DCT: variants seen among roughly 807,000 people sequenced by gnomAD.
The protein encoded by DCT is L-dopachrome tautomerase.
DCT carries 47 observed loss-of-function variants against 53.0 expected under a neutral mutation model. The ratio of observed to expected loss-of-function variants is 0.89; its 90% CI spans 0.70 to 1.13. The LOEUF is 1.13. DCT is among the 50% of genes most tolerant of loss of function. The pLI, the probability that DCT is intolerant of heterozygous loss-of-function variation, is 0.00. For synonymous variants in DCT, 244 were observed against 237.0 expected (o/e 1.03, Z -0.27); for missense variants, 669 against 637.4 (o/e 1.05, Z -0.53).
intron 4 of DCT, among the ~76,000 whole-genome samples, chr13:94,462,545 C>T (rs1719221929): frequency 6.6e-6 from 1 of 151,642 alleles, no homozygotes; most frequent in African/African-American, 2.4e-5. Flanking sequence ...TATGTCTTAA[C>T]TTATGTACAG....
Position 94,436,836 on chromosome 13 carries a change from AC to A in DCT, c.*3061del, listed in dbSNP as rs541908946. 4 of 152,340 alleles carry A rather than the reference AC, an allele frequency of 2.6e-5. No individual in the cohort carries two copies. The highest frequency in any genetic ancestry group is 2.6e-4 in the Admixed American group (4 of 15,288). The allele number at this position is 152,340 out of a possible 1,614,324, so 9.4% of individuals were successfully genotyped here. A position where few individuals can be genotyped will look rare whatever the true frequency, so the allele number is the denominator to read the frequency against. ...TACTTTGAAATTAGTTTATTCATTCACTTATTCATTCAAAGAATATTTATAA... is the reference window on the plus strand; with the variant it reads ...TACTTTGAAATTAGTTTATTCATTCATTATTCATTCAAAGAATATTTATAA... On this transcript the variant is annotated 3_prime_UTR_variant, in exon 8 of 8. Coordinates refer to ENST00000377028, the MANE Select transcript of DCT (RefSeq NM_001922.5).
chr13:94,510,929 C>G, the DCT span, among the ~76,000 whole-genome samples: 1 of 152,208 alleles, frequency 6.6e-6, no homozygotes, highest in African/African-American at 2.4e-5. Context: ...CCATGTGAAC[C>G]ACCTCCTGCA....
At chr13:94,475,959 T>C (rs1459679870) in intron 1 of DCT, among the ~76,000 whole-genome samples, 1 of 151,942 alleles carries the variant, frequency 6.6e-6, no homozygotes, top group African/African-American at 2.4e-5. Flanking sequence ...CCTGATGAGT[T>C]TGGACTGAGC....
At position 94,469,041 on chromosome 13, in the gene DCT, G is replaced by C; in HGVS notation, c.300C>G (p.Asn100Lys). ...AGTCTCCACAATTATAGCCGGCAAA[G>C]TTTCCTAGTTCACAAAACAGAAAGA... ...FFHRTCKCTG[N>K]FAGYNCGDCK... The change falls in exon 2 of 8, where the codon AAC (asparagine) becomes AAG (lysine). Residue 100 changes from asparagine to lysine, a missense_variant. Physicochemically the swap from Asn to Lys is moderately conservative, Grantham distance 94 (BLOSUM62 0). Coordinates refer to ENST00000377028, the MANE Select transcript of DCT (RefSeq NM_001922.5). 1 of 1,611,038 alleles carries C rather than the reference G, an allele frequency of 6.2e-7. No individual in the cohort carries two copies. Among genetic ancestry groups the C allele is most frequent in the Non-Finnish European group, 8.5e-7 (1 of 1,177,302 alleles).
At chr13:94,469,284 A>G (rs1391804021) in intron 1 of DCT, among the ~76,000 whole-genome samples, 1 of 152,208 alleles carries the variant, frequency 6.6e-6, no homozygotes, top group Non-Finnish European at 1.5e-5. Flanking sequence ...AATACACTGT[A>G]TACTGCAATG....
intron 1 of DCT, among the ~76,000 whole-genome samples, chr13:94,472,092 G>T (rs1884679818): frequency 1.3e-5 from 2 of 152,078 alleles, no homozygotes. Flanking sequence ...CATAACACTT[G>T]TTTTTGAATT....
the DCT span, among the ~76,000 whole-genome samples, chr13:94,485,280 C>T: frequency 6.6e-6 from 1 of 152,116 alleles, no homozygotes; most frequent in Non-Finnish European, 1.5e-5. Context: ...GCCCTTGAGA[C>T]TTTAGCACAG....
chr13:94,520,567 T>C, the DCT span, among the ~76,000 whole-genome samples: 2 of 152,198 alleles, frequency 1.3e-5, no homozygotes, highest in Admixed American at 6.5e-5. Context: ...TCACAAAACA[T>C]GTGAGCCCCA....
chr13:94,544,519 C>T, the DCT span, among the ~76,000 whole-genome samples: 1 of 152,206 alleles, frequency 6.6e-6, no homozygotes, highest in Non-Finnish European at 1.5e-5. Context: ...AAGAGCTGTT[C>T]CCTTGCTCAG....
chr13:94,443,000 C>A (rs550612057), intron 7 of DCT, among the ~76,000 whole-genome samples: 1 of 152,280 alleles, frequency 6.6e-6, no homozygotes, highest in East Asian at 1.9e-4. Flanking sequence ...GTTGTACTTT[C>A]CTCACCCTAA....
the DCT span, among the ~76,000 whole-genome samples, chr13:94,543,074 T>G: frequency 6.6e-6 from 1 of 152,164 alleles, no homozygotes; most frequent in Non-Finnish European, 1.5e-5. Context: ...CCGGACAGGG[T>G]TATCCTGTTG....
At chr13:94,544,118 G>A in the DCT span, among the ~76,000 whole-genome samples, 1,109 of 151,626 alleles carry the variant, frequency 7.3e-3, 18 homozygotes, top group African/African-American at 0.026. Flanking sequence ...TAGAGCTCAT[G>A]TTTCATTTTA....
At chr13:94,501,071 C>G in the DCT span, among the ~76,000 whole-genome samples, 6 of 151,994 alleles carry the variant, frequency 3.9e-5, no homozygotes, top group Non-Finnish European at 5.9e-5. Flanking sequence ...TAGAGACCAT[C>G]CTGGCTAACA....
At chr13:94,516,702 G>A in the DCT span, among the ~76,000 whole-genome samples, 1 of 151,986 alleles carries the variant, frequency 6.6e-6, no homozygotes, top group Non-Finnish European at 1.5e-5. Context: ...ATTAGAAGAG[G>A]AACAGATACT....
At chr13:94,521,384 T>C in the DCT span, among the ~76,000 whole-genome samples, 3 of 152,214 alleles carry the variant, frequency 2.0e-5, no homozygotes, top group Non-Finnish European at 2.9e-5. Context: ...TAAGAACCCT[T>C]TAGTGGCCGG....
At chr13:94,545,076 A>G in the DCT span, among the ~76,000 whole-genome samples, 2 of 152,122 alleles carry the variant, frequency 1.3e-5, no homozygotes, top group East Asian at 3.8e-4. Context: ...AAGTGTGATC[A>G]TGGCATCAGT....
At chr13:94,451,081 A>C (rs747347269) in intron 6 of DCT, among the ~76,000 whole-genome samples, 2 of 152,250 alleles carry the variant, frequency 1.3e-5, no homozygotes, top group Middle Eastern at 3.4e-3. Context: ...TAGTCCATAG[A>C]AACACTGCCA....
In DCT at chr13:94,465,663, C is replaced by T. The variant is rs981625388; in HGVS notation, c.833G>A (p.Arg278Lys). 2.5e-6 allele frequency: 4 copies of T among 1,613,426 alleles called. No individual in the cohort carries two copies. The African/African-American group carries it at 5.3e-5, about 22-fold the overall frequency. The change falls in exon 4 of 8, where the codon AGA (arginine) becomes AAA (lysine). Residue 278 changes from arginine to lysine, a missense_variant. Arg to Lys is a conservative substitution (Grantham distance 26). Transcript: ENST00000377028. ...DDPTLISRNSRFSSWETVCDS... is the reference protein window; with the variant it reads ...DDPTLISRNSKFSSWETVCDS... ...ACAGACAGTTTCCCAGCTGGAGAATCTTGAGTTCCGACTAATCAGAGTCGG... is the reference window on the plus strand; with the variant it reads ...ACAGACAGTTTCCCAGCTGGAGAATTTTGAGTTCCGACTAATCAGAGTCGG...
At chr13:94,538,073 T>A in the DCT span, among the ~76,000 whole-genome samples, 2 of 151,912 alleles carry the variant, frequency 1.3e-5, no homozygotes, top group Admixed American at 1.3e-4. Context: ...AACCAGAAGA[T>A]GATATCCAGG....
Sources: allele counts gnomAD v4.1 joint callset (sites outside exome capture counted in the v4.1 genomes callset), GRCh38; gene constraint gnomAD v4.1.1; transcripts MANE v1.5; gene names NCBI Gene and HGNC (gene_info 2026-07-23, HGNC 2026-07-21).